Variants in PWWP3A observed in about 807,000 individuals in gnomAD.
PWWP3A encodes PWWP domain containing 3A, DNA repair factor, also known as PWWP domain-containing DNA repair factor 3A.
A neutral mutation model predicts 79.0 loss-of-function variants in PWWP3A; 53 were observed. That is an observed-to-expected ratio of 0.67 (90% CI 0.54 to 0.84). PWWP3A has a LOEUF of 0.84. PWWP3A is among the 40% of genes least tolerant of loss of function. The probability of loss-of-function intolerance (pLI) is 0.00; values close to 1 mark genes in which losing one functional copy is unlikely to be tolerated. For synonymous variants in PWWP3A, 443 were observed against 394.4 expected (o/e 1.12, Z -1.46); for missense variants, 973 against 948.0 (o/e 1.03, Z -0.35).
rs369976178 is a variant in PWWP3A, at chr19:1,358,704, A to T, written c.214+240A>T. ...TTGACGCCCAGAATGGTCAGTGGTG[A>T]GCATCAAGGTCATCTCGTACCCCCG... On this transcript the variant is annotated intron_variant, in intron 4 of 13. Transcript: ENST00000591337. The T allele has an allele frequency of 1.5e-5, 22 of 1,512,516 alleles. No individual in the cohort carries two copies. In the East Asian group the frequency reaches 2.8e-4, roughly 19 times the overall value. The allele number at this position is 1,512,516 out of a possible 1,614,324, so 93.7% of individuals were successfully genotyped here.
chr19:1,378,041 G>A lies in PWWP3A; in HGVS notation c.*1465G>A, dbSNP rs757824439. 6.6e-6 allele frequency: 1 copy of A among 152,246 alleles called. No homozygotes were observed. Among genetic ancestry groups the A allele is most frequent in the Non-Finnish European group, 1.5e-5 (1 of 68,080 alleles). The allele number at this position is 152,246 out of a possible 1,614,324, so 9.4% of individuals were successfully genotyped here. On this transcript the variant is annotated 3_prime_UTR_variant, in exon 14 of 14. Coordinates refer to ENST00000591337, the MANE Select transcript of PWWP3A (RefSeq NM_001369789.1). ...GCTCGACTCCGAGAGCAGGAAACCC[G>A]GCCGTGGCCTGGCAGCTCCGCCTCC...
intron 11 of PWWP3A, among the ~76,000 whole-genome samples, chr19:1,370,425 C>T (rs1274181183): frequency 1.3e-5 from 2 of 152,178 alleles, no homozygotes; most frequent in Non-Finnish European, 2.9e-5. Context: ...AGGGTTAAAC[C>T]TGGCTGCAGG....
rs7258867 is a variant in PWWP3A, at chr19:1,364,218, C to G, written c.1214-291C>G. Reference sequence around the variant, plus strand: ...ACATAGGACAGAGCCCCAGCCGCCCCTCGTGGCACCCCTCCCATCCCAAGG... The same window carrying G: ...ACATAGGACAGAGCCCCAGCCGCCCGTCGTGGCACCCCTCCCATCCCAAGG... On this transcript the variant is annotated intron_variant, in intron 6 of 13. Coordinates refer to ENST00000591337, the MANE Select transcript of PWWP3A (RefSeq NM_001369789.1). The G allele has an allele frequency of 7.7e-4, 456 of 589,252 alleles. 1 individual carries two copies. The highest frequency in any genetic ancestry group is 7.5e-3 in the African/African-American group (413 of 54,752). 36.5% of individuals were successfully genotyped at this position (589,252 alleles called of 1,614,324 possible).
In PWWP3A at chr19:1,360,053, C is replaced by G; in HGVS notation, c.215-83C>G. On this transcript the variant is annotated intron_variant, in intron 4 of 13. Transcript: ENST00000591337. This position sits in a 1 kb window ranked among gnomAD's most constrained non-coding sequence, Gnocchi z 4.4. Reference sequence around the variant, plus strand: ...TATGAAACTAGCCGTCAGAATGAGACAAGCGAGCTTCTAAAGCGATGCCGT... The same window carrying G: ...TATGAAACTAGCCGTCAGAATGAGAGAAGCGAGCTTCTAAAGCGATGCCGT... 2 of 1,371,026 alleles carry G rather than the reference C, an allele frequency of 1.5e-6. No individual in the cohort carries two copies. The highest frequency in any genetic ancestry group is 1.9e-6 in the Non-Finnish European group (2 of 1,036,844). The allele number at this position is 1,371,026 out of a possible 1,614,324, so 84.9% of individuals were successfully genotyped here.
chr19:1,375,423 TA>T (rs1429845575), intron 13 of PWWP3A, among the ~76,000 whole-genome samples: 24 of 85,788 alleles, frequency 2.8e-4, no homozygotes, highest in Non-Finnish European at 5.1e-4. Context: ...ATTATATATA[TA>T]AAATATATAT....
chr19:1,358,723 A>AC, intron 4 of PWWP3A: 1 of 1,478,128 alleles, frequency 6.8e-7, no homozygotes. Flanking sequence ...GTCATCTCGT[A>AC]CCCCCGTGGC....
Position 1,362,291 on chromosome 19 carries a change from C to T in PWWP3A, c.1153C>T (p.Arg385Cys), listed in dbSNP as rs750747499. The part of the protein sequence containing the change: ...SEESMGSNSM[R>C]SILEEDEEDE... The stretch of plus-strand genomic sequence containing the variant: ...AGAGTCCATGGGGTCTAATTCCATG[C>T]GTTCTATCCTGGAGGAAGACGAGGA... Residue 385 changes from arginine to cysteine, a missense_variant, in exon 6 of 14, where the codon CGT (arginine) becomes TGT (cysteine). Physicochemically the swap from Arg to Cys is radical, Grantham distance 180. Transcript: ENST00000591337. The T allele has an allele frequency of 5.6e-6, 9 of 1,613,936 alleles. No homozygotes were observed. The East Asian group carries it at 6.7e-5, about 12-fold the overall frequency.
rs2144748566 is a variant in PWWP3A, at chr19:1,369,821, C to T, written c.1549+175C>T. On this transcript the variant is annotated intron_variant, in intron 11 of 13. Coordinates refer to ENST00000591337, the MANE Select transcript of PWWP3A (RefSeq NM_001369789.1). This position sits in a 1 kb window ranked among gnomAD's most constrained non-coding sequence, Gnocchi z 4.0. ...ATGTGACCCTGAGGCTCCCTGGGACCTGGGGCTGCTGGTGTCCACTGGCAC... is the reference window on the plus strand; with the variant it reads ...ATGTGACCCTGAGGCTCCCTGGGACTTGGGGCTGCTGGTGTCCACTGGCAC... Among the ~76,000 whole-genome samples the T allele has an allele frequency of 6.6e-6, 1 of 152,312 alleles. No homozygotes were observed.
At chr19:1,366,131 G>A (rs1013828751) in intron 7 of PWWP3A, among the ~76,000 whole-genome samples, 174 bp from the exon 8 acceptor site, 3 of 152,228 alleles carry the variant, frequency 2.0e-5, no homozygotes, top group Non-Finnish European at 2.9e-5. Context: ...CAAGTGATGC[G>A]TGTGGCAGAG....
In PWWP3A at chr19:1,360,120, T is replaced by C. The variant is rs185601964; in HGVS notation, c.215-16T>C. On this transcript the variant is annotated splice_polypyrimidine_tract_variant and intron_variant, in intron 4 of 13. Coordinates refer to ENST00000591337, the MANE Select transcript of PWWP3A (RefSeq NM_001369789.1). The surrounding 1 kb of genome is among the most constrained non-coding windows in gnomAD (Gnocchi z 4.4). ...CAGTGAACGTAACCGGCATTGTGTA[T>C]GTTCGGTCCTTGCAGCCTCACAGAA... 13 of 1,534,540 alleles carry C rather than the reference T, an allele frequency of 8.5e-6. No homozygotes were observed. In the African/African-American group the frequency reaches 1.5e-4, roughly 18 times the overall value.
chr19:1,369,178 G>C lies in PWWP3A; in HGVS notation c.1423-87G>C, dbSNP rs1431639653. On this transcript the variant is annotated intron_variant, in intron 9 of 13. Transcript: ENST00000591337. This position sits in a 1 kb window ranked among gnomAD's most constrained non-coding sequence, Gnocchi z 4.0. ...GGAGCGTGAGCAGCCTGGACACCTGGCTGGTCCCTGGGCTCTGCGTGGCTT... is the reference window on the plus strand; with the variant it reads ...GGAGCGTGAGCAGCCTGGACACCTGCCTGGTCCCTGGGCTCTGCGTGGCTT... 22 of 1,251,992 alleles carry C rather than the reference G, an allele frequency of 1.8e-5. No homozygotes were observed. The highest frequency in any genetic ancestry group is 2.5e-5 in the Non-Finnish European group (22 of 864,024). The allele number at this position is 1,251,992 out of a possible 1,614,324, so 77.6% of individuals were successfully genotyped here. A position where few individuals can be genotyped will look rare whatever the true frequency, so the allele number is the denominator to read the frequency against.
At position 1,360,444 on chromosome 19, in the gene PWWP3A, G is replaced by A; in HGVS notation, c.523G>A (p.Asp175Asn). Reference protein sequence around the residue: ...TCEKDPECKVDHKKGLRKSEN... With the variant: ...TCEKDPECKVNHKKGLRKSEN... ...TGAAAAGGACCCCGAGTGCAAAGTG[G>A]ACCACAAGAAGGGGCTCAGGAAAAG... Residue 175 changes from aspartate (D) to asparagine (N), a missense_variant, in exon 5 of 14, where the codon GAC (aspartate) becomes AAC (asparagine). Asp to Asn is a conservative substitution (Grantham distance 23, BLOSUM62 1). Transcript: ENST00000591337. This position sits in a 1 kb window ranked among gnomAD's most constrained non-coding sequence, Gnocchi z 4.4. 6.2e-7 allele frequency: 1 copy of A among 1,614,144 alleles called. No homozygotes were observed. Among genetic ancestry groups the A allele is most frequent in the Non-Finnish European group, 8.5e-7 (1 of 1,180,050 alleles).
intron 8 of PWWP3A, 132 bp from the exon 9 acceptor site, chr19:1,367,028 A>G (rs1600114042): frequency 3.0e-6 from 2 of 673,526 alleles, no homozygotes. Flanking sequence ...GGAAACGGTC[A>G]CCTTCCATAA....
At chr19:1,370,414 A>G (rs1335080160) in intron 11 of PWWP3A, among the ~76,000 whole-genome samples, 1 of 152,108 alleles carries the variant, frequency 6.6e-6, no homozygotes, top group East Asian at 1.9e-4. Flanking sequence ...TCTCTGCTAT[A>G]AGGGTTAAAC....
intron 11 of PWWP3A, among the ~76,000 whole-genome samples, chr19:1,370,105 G>C (rs1000298729): frequency 6.6e-6 from 1 of 152,182 alleles, no homozygotes; most frequent in African/African-American, 2.4e-5. Flanking sequence ...TGTGGCTTGC[G>C]TGCCTGCAGC....
chr19:1,358,415 A>C lies in PWWP3A; in HGVS notation c.165A>C (p.Glu55Asp). ...LEEKIKVKST[E>D]VEILEKSQIE... is the part of the protein sequence containing the mutation. ...GCAGAATTAAGGTGAAAAGCACTGA[A>C]GTTGAGATCCTAGAGAAGTCTCAAA... The change falls in exon 4 of 14, where the codon GAA (glutamate) becomes GAC (aspartate). Residue 55 changes from glutamate (E) to aspartate (D), a missense_variant. By Grantham distance (45) the Glu-to-Asp change is conservative. Coordinates refer to ENST00000591337, the MANE Select transcript of PWWP3A (RefSeq NM_001369789.1). The C allele has an allele frequency of 6.2e-7, 1 of 1,614,130 alleles. No individual in the cohort carries two copies. The highest frequency in any genetic ancestry group is 1.1e-5 in the South Asian group (1 of 91,062).
chr19:1,358,459 C>G lies in PWWP3A; in HGVS notation c.209C>G (p.Ser70Trp), dbSNP rs375382482. 3.1e-6 allele frequency: 5 copies of G among 1,613,704 alleles called. No individual in the cohort carries two copies. Among genetic ancestry groups the G allele is most frequent in the Admixed American group, 1.7e-5 (1 of 59,988 alleles). ...EKSQIEAIAS[S>W]LASQNEVPAA... is the part of the protein sequence containing the mutation. Reference sequence around the variant, plus strand: ...TCTCAAATTGAAGCCATTGCTTCCTCGTTAGGTAAGAGCGTATTTTTAAGT... The same window carrying G: ...TCTCAAATTGAAGCCATTGCTTCCTGGTTAGGTAAGAGCGTATTTTTAAGT... The change falls in exon 4 of 14, where the codon TCG becomes TGG. Residue 70 changes from serine to tryptophan, a missense_variant. Coordinates refer to ENST00000591337, the MANE Select transcript of PWWP3A (RefSeq NM_001369789.1).
In PWWP3A at chr19:1,356,969, C is replaced by G. The variant is rs1365384162; in HGVS notation, c.58-40C>G. On this transcript the variant is annotated intron_variant, in intron 2 of 13. Transcript: ENST00000591337. The stretch of plus-strand genomic sequence containing the variant: ...GTTTGCCACTGTTTCTCACTGTCAG[C>G]TGTTGTAATAACAAGGATTTTCTTT... 3 of 1,537,062 alleles carry G rather than the reference C, an allele frequency of 2.0e-6. No homozygotes were observed. The African/African-American group carries it at 4.1e-5, about 21-fold the overall frequency.
chr19:1,358,332 A>G, intron 3 of PWWP3A, 62 bp from the exon 4 acceptor site: 2 of 1,422,204 alleles, frequency 1.4e-6, no homozygotes, highest in Admixed American at 1.8e-5. Context: ...AAAGGAAAAC[A>G]TGTTTGAAAA....
Sources: gnomAD v4.1 joint callset for allele counts (sites outside exome capture counted in the v4.1 genomes callset) on GRCh38, gnomAD v4.1.1 for gene constraint, Gnocchi (gnomAD v3.1) non-coding constraint, MANE v1.5 for transcripts, NCBI Gene and HGNC (gene_info 2026-07-23, HGNC 2026-07-21) for gene names.